RIMKLB: variants seen among roughly 807,000 people sequenced by gnomAD.
The protein encoded by RIMKLB is beta-citrylglutamate synthase B.
Under a neutral mutation model 32.0 loss-of-function variants are expected in RIMKLB, and 7 were observed. That is an observed-to-expected ratio of 0.22 (90% CI 0.12 to 0.41). The LOEUF is 0.41. Ranked by LOEUF, RIMKLB falls within the 10% of genes least tolerant of loss-of-function variation. RIMKLB has a pLI of 1.00. For synonymous variants in RIMKLB, 172 were observed against 185.1 expected (o/e 0.93, Z 0.57); for missense variants, 289 against 498.7 (o/e 0.58, Z 4.00).
At chr12:8,714,424 T>C (rs1944634866) in intron 2 of RIMKLB, among the ~76,000 whole-genome samples, 1 of 152,212 alleles carries the variant, frequency 6.6e-6, no homozygotes, top group South Asian at 2.1e-4. Flanking sequence ...TCATTTTTAC[T>C]GTCTTCTATT....
At chr12:8,721,762 GAGATGGA>G (rs1565576328) in intron 2 of RIMKLB, among the ~76,000 whole-genome samples, 13 of 149,996 alleles carry the variant, frequency 8.7e-5, no homozygotes, top group African/African-American at 3.2e-4. Context: ...GTTTTTTTTT[GAGATGGA>G]GTCTGACTCT....
chr12:8,673,843 C>T, the RIMKLB span, among the ~76,000 whole-genome samples: 42 of 151,990 alleles, frequency 2.8e-4, no homozygotes, highest in Non-Finnish European at 3.1e-4. Flanking sequence ...GTGATCCGCC[C>T]GCTTTGGCCT....
chr12:8,685,890 C>T (rs1942555351), intron 1 of RIMKLB, among the ~76,000 whole-genome samples: 2 of 152,118 alleles, frequency 1.3e-5, no homozygotes, highest in Admixed American at 6.5e-5. Context: ...TCACTGCAAC[C>T]TCCACCTCCC....
At position 8,775,003 on chromosome 12, in the gene RIMKLB, G is replaced by A; in HGVS notation, c.*1219G>A. ...GTTTTTGACTTTAAAAAACAGATGA[G>A]TTGTTTTCATAAGTAGACTCCACTG... is the stretch of plus-strand genomic sequence containing the variant. On this transcript the variant is annotated 3_prime_UTR_variant, in exon 6 of 6. Coordinates refer to ENST00000535829, the MANE Select transcript of RIMKLB (RefSeq NM_001297776.2). 2.0e-6 allele frequency: 2 copies of A among 985,686 alleles called. No individual in the cohort carries two copies. The highest frequency in any genetic ancestry group is 2.4e-6 in the Non-Finnish European group (2 of 829,814). The allele number at this position is 985,686 out of a possible 1,614,324, so 61.1% of individuals were successfully genotyped here.
upstream of RIMKLB, among the ~76,000 whole-genome samples, chr12:8,695,639 C>T (rs1299525807): frequency 6.6e-6 from 1 of 150,884 alleles, no homozygotes; most frequent in African/African-American, 2.4e-5. Flanking sequence ...TTGTTACATA[C>T]ATGAGAATAT....
downstream of RIMKLB, among the ~76,000 whole-genome samples, chr12:8,778,652 C>T (rs1334804354): frequency 6.6e-6 from 1 of 152,156 alleles, no homozygotes; most frequent in African/African-American, 2.4e-5. Flanking sequence ...CCGTCTTTAC[C>T]CCAGTCTACC....
intron 1 of RIMKLB, among the ~76,000 whole-genome samples, chr12:8,704,971 AACACACAC>A (rs3076182): frequency 1.4e-4 from 21 of 146,674 alleles, no homozygotes; most frequent in South Asian, 1.1e-3. Context: ...TCACCTCTAA[AACACACAC>A]ACACACACAC....
At chr12:8,750,744 T>G (rs1223650394) in intron 3 of RIMKLB, among the ~76,000 whole-genome samples, 1 of 152,168 alleles carries the variant, frequency 6.6e-6, no homozygotes, top group Non-Finnish European at 1.5e-5. Flanking sequence ...TTTGTATTTA[T>G]CTGACCACAT....
upstream of RIMKLB, among the ~76,000 whole-genome samples, chr12:8,677,566 G>A (rs1942350467): frequency 6.6e-6 from 1 of 152,154 alleles, no homozygotes; most frequent in Non-Finnish European, 1.5e-5. Flanking sequence ...GTGATACAAA[G>A]CAGCCAGAGT....
At chr12:8,687,889 T>C (rs1349483798) in intron 1 of RIMKLB, among the ~76,000 whole-genome samples, 2 of 148,794 alleles carry the variant, frequency 1.3e-5, no homozygotes, top group Non-Finnish European at 3.0e-5. Flanking sequence ...TGCCTGGGGA[T>C]CTGTTGGGAG....
At chr12:8,782,549 C>A (rs769174395) in intron 7 of RIMKLB, among the ~76,000 whole-genome samples, 13 of 152,026 alleles carry the variant, frequency 8.6e-5, no homozygotes, top group African/African-American at 3.1e-4. Flanking sequence ...ATTGAACTTG[C>A]GACTGTTCAC....
chr12:8,724,784 A>C (rs1003633169), intron 2 of RIMKLB, among the ~76,000 whole-genome samples: 3 of 152,154 alleles, frequency 2.0e-5, no homozygotes, highest in African/African-American at 7.2e-5. Context: ...CTGGAAACTA[A>C]GTCCTCAGTT....
chr12:8,781,353 AAATC>A (rs1194500243), downstream of RIMKLB, among the ~76,000 whole-genome samples: 1 of 152,170 alleles, frequency 6.6e-6, no homozygotes, highest in African/African-American at 2.4e-5. Context: ...AAATAAATAA[AAATC>A]AAAACTAAAA....
At chr12:8,696,480 T>C (rs1942893061), upstream of RIMKLB, among the ~76,000 whole-genome samples, 1 of 152,268 alleles carries the variant, frequency 6.6e-6, no homozygotes, top group Non-Finnish European at 1.5e-5. Flanking sequence ...CTAAACACTT[T>C]GAACAGCACT....
At chr12:8,763,655 T>C (rs1003178956) in intron 5 of RIMKLB, among the ~76,000 whole-genome samples, 1 of 152,226 alleles carries the variant, frequency 6.6e-6, no homozygotes, top group East Asian at 1.9e-4. Flanking sequence ...TTTGGAAACC[T>C]TGTAGCCACA....
At chr12:8,764,197 G>A (rs1476080387) in intron 5 of RIMKLB, among the ~76,000 whole-genome samples, 2 of 152,108 alleles carry the variant, frequency 1.3e-5, no homozygotes, top group East Asian at 3.9e-4. Flanking sequence ...CGGGTCTAAG[G>A]GGGTACTTCC....
At chr12:8,709,475 G>A (rs193189359) in intron 1 of RIMKLB, among the ~76,000 whole-genome samples, 7 of 152,374 alleles carry the variant, frequency 4.6e-5, no homozygotes, top group East Asian at 3.9e-4. Flanking sequence ...AGGCAGGCAC[G>A]CCTGGAGCCT....
Position 8,774,804 on chromosome 12 carries a change from G to C in RIMKLB, c.*1020G>C, listed in dbSNP as rs749208796. On this transcript the variant is annotated 3_prime_UTR_variant, in exon 6 of 6. Coordinates refer to ENST00000535829, the MANE Select transcript of RIMKLB (RefSeq NM_001297776.2). Reference sequence around the variant, plus strand: ...CAAATCAAGAGCCTATGAGTTCTAAGTATAAAGCTGAAGTGATTTCGAATG... The same window carrying C: ...CAAATCAAGAGCCTATGAGTTCTAACTATAAAGCTGAAGTGATTTCGAATG... 1.0e-6 allele frequency: 1 copy of C among 985,568 alleles called. No homozygotes were observed. The highest frequency in any genetic ancestry group is 1.2e-6 in the Non-Finnish European group (1 of 829,884). The allele number at this position is 985,568 out of a possible 1,614,324, so 61.1% of individuals were successfully genotyped here.
chr12:8,777,323 G>T, downstream of RIMKLB: 1 of 985,386 alleles, frequency 1.0e-6, no homozygotes, highest in Non-Finnish European at 1.2e-6. Flanking sequence ...TTTCAGTAGT[G>T]GACAGAAATC....
Sources: gnomAD v4.1 joint callset for allele counts (sites outside exome capture counted in the v4.1 genomes callset) on GRCh38, gnomAD v4.1.1 for gene constraint, MANE v1.5 for transcripts, NCBI Gene and HGNC (gene_info 2026-07-23, HGNC 2026-07-21) for gene names.